SLC9A7: variants seen among roughly 807,000 people sequenced by gnomAD.
The protein encoded by SLC9A7 is solute carrier family 9 member A7.
Under a neutral mutation model 52.6 loss-of-function variants are expected in SLC9A7, and 19 were observed. The ratio of observed to expected loss-of-function variants is 0.36; its 90% CI spans 0.25 to 0.53. The LOEUF (loss-of-function observed/expected upper bound fraction) is 0.53, where lower values mean the gene tolerates loss of function less well. SLC9A7 is among the 20% of genes least tolerant of loss of function. The probability of loss-of-function intolerance (pLI) is 0.91; values close to 1 mark genes in which losing one functional copy is unlikely to be tolerated. For missense variants in SLC9A7, 455 were observed against 597.9 expected (o/e 0.76, Z 2.49); for synonymous variants, 226 against 252.1 (o/e 0.90, Z 0.98).
At chrX:46,633,294 C>G (rs5905553) in intron 13 of SLC9A7, among the ~76,000 whole-genome samples, 1 of 72,457 alleles carries the variant, frequency 1.4e-5, no homozygotes, top group Admixed American at 2.2e-4. Context: ...CAGGAGATTT[C>G]TAAGAAAGGA....
intron 10 of SLC9A7, among the ~76,000 whole-genome samples, chrX:46,649,349 G>A (rs1185202621): frequency 8.9e-6 from 1 of 112,319 alleles, no homozygotes; most frequent in African/African-American, 3.2e-5. Context: ...AAGAGGTGGG[G>A]AAACTTAAAA....
intron 1 of SLC9A7, among the ~76,000 whole-genome samples, chrX:46,757,639 A>C (rs1303951695): frequency 5.3e-5 from 6 of 112,235 alleles, no homozygotes; most frequent in African/African-American, 1.6e-4. Flanking sequence ...ACAATCATGA[A>C]GTGGCTCGTC....
intron 1 of SLC9A7, among the ~76,000 whole-genome samples, chrX:46,728,863 A>C (rs1944983226): frequency 8.9e-6 from 1 of 112,635 alleles, no homozygotes; most frequent in African/African-American, 3.2e-5. Flanking sequence ...TCTCAAAAGC[A>C]TTATGCTAAG....
intron 8 of SLC9A7, among the ~76,000 whole-genome samples, chrX:46,653,017 C>G (rs147550972): frequency 8.9e-6 from 1 of 112,186 alleles, no homozygotes; most frequent in Non-Finnish European, 1.9e-5. Context: ...TTAATAGATT[C>G]TTTGCACCTT....
At chrX:46,730,668 AAT>A (rs1945014936) in intron 1 of SLC9A7, among the ~76,000 whole-genome samples, 5 of 50,703 alleles carry the variant, frequency 9.9e-5, no homozygotes, top group African/African-American at 2.9e-4. Context: ...AAAAAAAAAA[AAT>A]TATATATATA....
chrX:46,748,503 A>G (rs759782252), intron 1 of SLC9A7, among the ~76,000 whole-genome samples: 2 of 106,498 alleles, frequency 1.9e-5, no homozygotes, highest in South Asian at 8.7e-4. Context: ...AAAGGTGGAA[A>G]TAACCCGAGT....
chrX:46,716,794 T>TTTTA (rs1460575179), intron 1 of SLC9A7, among the ~76,000 whole-genome samples: 1 of 112,403 alleles, frequency 8.9e-6, no homozygotes, highest in Non-Finnish European at 1.9e-5. Flanking sequence ...ATGTGTTTCT[T>TTTTA]TTTATTTATT....
chrX:46,718,165 T>C (rs1374251454), intron 1 of SLC9A7, among the ~76,000 whole-genome samples: 1 of 111,562 alleles, frequency 9.0e-6, no homozygotes, highest in Non-Finnish European at 1.9e-5. Flanking sequence ...CATCTGATCT[T>C]TGACAAACCT....
At chrX:46,625,427 G>A (rs1345797333) in intron 14 of SLC9A7, among the ~76,000 whole-genome samples, 1 of 110,725 alleles carries the variant, frequency 9.0e-6, no homozygotes, top group Non-Finnish European at 1.9e-5. Context: ...TGGACAAGGA[G>A]GGCCAGGCAT....
intron 8 of SLC9A7, among the ~76,000 whole-genome samples, chrX:46,652,112 A>C (rs1443498615): frequency 9.0e-6 from 1 of 111,564 alleles, no homozygotes; most frequent in African/African-American, 3.3e-5. Context: ...CTGTTTTTAG[A>C]ATGAATGAAC....
intron 16 of SLC9A7, among the ~76,000 whole-genome samples, chrX:46,608,299 C>T (rs913682605): frequency 3.5e-5 from 4 of 112,806 alleles, no homozygotes; most frequent in Admixed American, 9.3e-5. Flanking sequence ...TCATGGGTTG[C>T]GTTTCCTCTC....
chrX:46,669,470 C>T (rs1943982868), intron 5 of SLC9A7, 137 bp downstream of exon 5: 2 of 399,304 alleles, frequency 5.0e-6, no homozygotes, highest in Admixed American at 1.0e-4. Flanking sequence ...CTATTGGTCA[C>T]TTCTTCCACC....
intron 2 of SLC9A7, among the ~76,000 whole-genome samples, chrX:46,680,956 G>A (rs1475918571): frequency 8.9e-6 from 1 of 112,162 alleles, no homozygotes; most frequent in African/African-American, 3.2e-5. Flanking sequence ...TACCCAATAT[G>A]AGGACACTGG....
intron 2 of SLC9A7, among the ~76,000 whole-genome samples, chrX:46,681,210 T>C (rs149929091): frequency 8.9e-6 from 1 of 112,482 alleles, no homozygotes; most frequent in East Asian, 2.8e-4. Flanking sequence ...AGAGCAAAAG[T>C]CAGCTTCATC....
At chrX:46,648,839 A>G (rs766706713) in intron 10 of SLC9A7, 42 bp from the exon 11 acceptor site, 14 of 998,564 alleles carry the variant, frequency 1.4e-5, no homozygotes, top group Non-Finnish European at 1.8e-5. Flanking sequence ...CAGTTTCCAG[A>G]ATGGCATTCC....
At chrX:46,721,693 C>T (rs1400085360) in intron 1 of SLC9A7, among the ~76,000 whole-genome samples, 4 of 111,691 alleles carry the variant, frequency 3.6e-5, no homozygotes, top group Non-Finnish European at 5.6e-5. Flanking sequence ...ATCACAGCCA[C>T]CAACCCACCA....
At chrX:46,727,465 A>T (rs1944963199) in intron 1 of SLC9A7, among the ~76,000 whole-genome samples, 1 of 112,574 alleles carries the variant, frequency 8.9e-6, no homozygotes, top group Non-Finnish European at 1.9e-5. Flanking sequence ...TGTCTGGATG[A>T]CAGTGATCCT....
intron 1 of SLC9A7, among the ~76,000 whole-genome samples, chrX:46,716,189 T>C (rs1944766076): frequency 9.0e-6 from 1 of 111,348 alleles, no homozygotes; most frequent in Admixed American, 9.6e-5. Flanking sequence ...CCCAGTCCAA[T>C]GCTCAGATGC....
At chrX:46,678,319 G>T (rs1000468919) in intron 3 of SLC9A7, among the ~76,000 whole-genome samples, 5 of 111,400 alleles carry the variant, frequency 4.5e-5, no homozygotes, top group Non-Finnish European at 9.4e-5. Flanking sequence ...GCTGTTACCT[G>T]CCTTTGAGGA....
Sources: gnomAD v4.1 joint callset for allele counts (sites outside exome capture counted in the v4.1 genomes callset) on GRCh38, gnomAD v4.1.1 for gene constraint, MANE v1.5 for transcripts, NCBI Gene and HGNC (gene_info 2026-07-23, HGNC 2026-07-21) for gene names.